TTC34: variants seen among roughly 807,000 people sequenced by gnomAD.
The protein encoded by TTC34 is tetratricopeptide repeat protein 34.
Under a neutral mutation model 40.7 loss-of-function variants are expected in TTC34, and 44 were observed. The ratio of observed to expected loss-of-function variants is 1.08; its 90% CI spans 0.85 to 1.39. The LOEUF (loss-of-function observed/expected upper bound fraction) is 1.39, where lower values mean the gene tolerates loss of function less well. Ranked by LOEUF, TTC34 falls within the 40% of genes most tolerant of loss-of-function variation. The pLI is 0.00. For missense variants in TTC34, 884 were observed against 838.0 expected (o/e 1.05, Z -0.68); for synonymous variants, 422 against 398.6 (o/e 1.06, Z -0.70).
At chr1:2,655,293 C>A (rs543635494) in intron 6 of TTC34, among the ~76,000 whole-genome samples, 5 of 71,780 alleles carry the variant, frequency 7.0e-5, no homozygotes, top group African/African-American at 2.4e-4. Flanking sequence ...GCTCTCACAA[C>A]CCCAGGTGAG....
At chr1:2,799,300 T>G (rs1423215479) in intron 2 of TTC34, among the ~76,000 whole-genome samples, 1 of 152,198 alleles carries the variant, frequency 6.6e-6, no homozygotes, top group Non-Finnish European at 1.5e-5. Flanking sequence ...CCCAGCACTT[T>G]GGGAGGCTGA....
At chr1:2,651,027 C>T (rs1411696004) in intron 6 of TTC34, among the ~76,000 whole-genome samples, 1 of 150,460 alleles carries the variant, frequency 6.6e-6, no homozygotes, top group Non-Finnish European at 1.5e-5. Context: ...GCACTCCACG[C>T]CTTCGGGGGG....
At chr1:2,788,008 C>T (rs996754551) in intron 3 of TTC34, among the ~76,000 whole-genome samples, 7 of 152,224 alleles carry the variant, frequency 4.6e-5, no homozygotes, top group South Asian at 2.1e-4. Flanking sequence ...AAAACACAGA[C>T]GAACAATTTG....
At chr1:2,651,966 C>G (rs1639148035) in intron 6 of TTC34, among the ~76,000 whole-genome samples, 1 of 152,202 alleles carries the variant, frequency 6.6e-6, no homozygotes, top group East Asian at 1.9e-4. Context: ...CCTTCCACCT[C>G]TAAGTGAGCA....
intron 6 of TTC34, among the ~76,000 whole-genome samples, chr1:2,651,145 C>T (rs1639124381): frequency 2.6e-5 from 4 of 151,678 alleles, no homozygotes; most frequent in Admixed American, 2.6e-4. Context: ...GGGACAGTAC[C>T]CTCCAGCACC....
chr1:2,685,136 A>G (rs558340989), intron 6 of TTC34, among the ~76,000 whole-genome samples: 16 of 136,568 alleles, frequency 1.2e-4, no homozygotes, highest in South Asian at 2.2e-4. Flanking sequence ...CGAGCATCGG[A>G]CGGCCTGGAA....
At position 2,641,910 on chromosome 1, in the gene TTC34, C is replaced by CAG; in HGVS notation, c.2713-17_2713-16dup. ...TGGGCCGCCGCCTGCACAGAGGACA[C>CAG]AGAGAGAGGCAGGGAGAGTGGGGTC... is the stretch of plus-strand genomic sequence containing the variant. On this transcript the variant is annotated splice_polypyrimidine_tract_variant and intron_variant, in intron 8 of 8. Transcript: ENST00000401095. 6.9e-7 allele frequency: 1 copy of CAG among 1,456,952 alleles called. No individual in the cohort carries two copies. The highest frequency in any genetic ancestry group is 9.0e-7 in the Non-Finnish European group (1 of 1,107,136). The allele number at this position is 1,456,952 out of a possible 1,614,324, so 90.3% of individuals were successfully genotyped here.
intron 6 of TTC34, among the ~76,000 whole-genome samples, chr1:2,657,322 C>T (rs1364674044): frequency 8.4e-6 from 1 of 119,290 alleles, no homozygotes; most frequent in South Asian, 2.4e-4. Flanking sequence ...CATCTGACAG[C>T]ATGGAGCAGC....
chr1:2,641,764 G>T (rs780050508), exon 9 of TTC34: 34 of 1,535,248 alleles, frequency 2.2e-5, no homozygotes, highest in African/African-American at 1.2e-4. Flanking sequence ...CCTGCAACTC[G>T]GCCAGGCAGG....
chr1:2,683,735 C>T (rs1457453763), intron 6 of TTC34, among the ~76,000 whole-genome samples: 1 of 149,400 alleles, frequency 6.7e-6, no homozygotes, highest in African/African-American at 2.5e-5. Context: ...CAGCTGATAT[C>T]CTGGAACAGC....
intron 6 of TTC34, among the ~76,000 whole-genome samples, chr1:2,753,598 C>T (rs1457197926): frequency 2.2e-5 from 2 of 92,142 alleles, no homozygotes; most frequent in Non-Finnish European, 4.0e-5. Flanking sequence ...CATCTGACAT[C>T]GTGGAGCAGC....
intron 6 of TTC34, among the ~76,000 whole-genome samples, chr1:2,683,513 C>A (rs1398827093): frequency 4.0e-4 from 59 of 147,366 alleles, no homozygotes; most frequent in Admixed American, 3.0e-3. Context: ...GCACCCACAC[C>A]ACCAGGTGAG....
At chr1:2,687,408 C>A in intron 6 of TTC34, among the ~76,000 whole-genome samples, 1 of 151,368 alleles carries the variant, frequency 6.6e-6, no homozygotes, top group Non-Finnish European at 1.5e-5. Context: ...ACCCACACCC[C>A]CAGGTGAGCA....
At position 2,645,448 on chromosome 1, in the gene TTC34, T is replaced by G. The variant is rs1639001281; in HGVS notation, c.2342A>C (p.His781Pro). 1 of 1,534,846 alleles carries G rather than the reference T, an allele frequency of 6.5e-7. No individual in the cohort carries two copies. ...CAGCTGGCTCAGAAGGGCCCGGCAGTGGGAGTAGAGGCCCTGTGTGATGAG... is the reference window on the plus strand; with the variant it reads ...CAGCTGGCTCAGAAGGGCCCGGCAGGGGGAGTAGAGGCCCTGTGTGATGAG... The change falls in exon 7 of 9, where the codon CAC becomes CCC. Residue 781 changes from histidine to proline, a missense_variant. His to Pro is a moderately conservative substitution (Grantham distance 77). Coordinates refer to ENST00000401095, the Ensembl canonical transcript of TTC34. This position sits in a 1 kb window ranked among gnomAD's most constrained non-coding sequence, Gnocchi z 4.7.
chr1:2,651,820 G>C (rs866100415), intron 6 of TTC34, among the ~76,000 whole-genome samples: 1 of 151,400 alleles, frequency 6.6e-6, no homozygotes, highest in Non-Finnish European at 1.5e-5. Context: ...GGTGATCATC[G>C]GACAGCCTGG....
At chr1:2,660,791 C>T (rs182140214) in intron 6 of TTC34, among the ~76,000 whole-genome samples, 2 of 24,324 alleles carry the variant, frequency 8.2e-5, no homozygotes, top group African/African-American at 2.1e-4. Context: ...AGCACCCACA[C>T]CCCCAGGTGA....
At chr1:2,687,019 CGA>C (rs1640391457) in intron 6 of TTC34, among the ~76,000 whole-genome samples, 1 of 122,654 alleles carries the variant, frequency 8.2e-6, no homozygotes, top group Admixed American at 7.8e-5. Context: ...GGTGAGCATT[CGA>C]CAGCCTGGAG....
chr1:2,687,905 C>G (rs866874374), intron 6 of TTC34, among the ~76,000 whole-genome samples: 7 of 150,300 alleles, frequency 4.7e-5, no homozygotes, highest in Non-Finnish European at 8.9e-5. Context: ...GAGCATCTGA[C>G]AGACTGGAAC....
intron 6 of TTC34, among the ~76,000 whole-genome samples, chr1:2,672,774 A>G (rs1483893339): frequency 9.4e-5 from 7 of 74,866 alleles, no homozygotes; most frequent in African/African-American, 1.7e-4. Context: ...GCATCTGACA[A>G]CCTGGAGCAG....
Sources: allele counts gnomAD v4.1 joint callset (sites outside exome capture counted in the v4.1 genomes callset), GRCh38; gene constraint gnomAD v4.1.1; non-coding constraint Gnocchi (gnomAD v3.1); transcripts MANE v1.5; gene names NCBI Gene and HGNC (gene_info 2026-07-23, HGNC 2026-07-21).